The following MAF variants were observed in gnomAD, a reference collection of about 807,000 sequenced individuals.
MAF encodes MAF bZIP transcription factor.
MAF carries 10 observed loss-of-function variants against 22.0 expected under a neutral mutation model. That is an observed-to-expected ratio of 0.45 (90% CI 0.28 to 0.77). The LOEUF is 0.77. Ranked by LOEUF, MAF falls within the 30% of genes least tolerant of loss-of-function variation. MAF has a pLI of 0.12. For synonymous variants in MAF, 337 were observed against 255.8 expected (o/e 1.32, Z -3.03); for missense variants, 544 against 548.4 (o/e 0.99, Z 0.08).
the MAF span, among the ~76,000 whole-genome samples, chr16:79,342,187 G>A: frequency 2.0e-5 from 3 of 152,144 alleles, no homozygotes; most frequent in South Asian, 6.2e-4. Flanking sequence ...CACACCCGGG[G>A]TCCCAATCAG....
chr16:79,431,696 A>C, the MAF span, among the ~76,000 whole-genome samples: 4 of 152,222 alleles, frequency 2.6e-5, no homozygotes, highest in Admixed American at 2.6e-4. Context: ...CGCCACTTTC[A>C]TAAACCTCCC....
At chr16:79,322,661 C>T in the MAF span, among the ~76,000 whole-genome samples, 1 of 151,862 alleles carries the variant, frequency 6.6e-6, no homozygotes, top group South Asian at 2.1e-4. Flanking sequence ...GTGCTAAGGT[C>T]GACACACGGG....
the MAF span, among the ~76,000 whole-genome samples, chr16:79,277,059 G>T: frequency 6.6e-6 from 1 of 151,914 alleles, no homozygotes; most frequent in African/African-American, 2.4e-5. Context: ...TGTTTTTTGA[G>T]TCCGGTCTCA....
the MAF span, among the ~76,000 whole-genome samples, chr16:79,458,932 T>A: frequency 6.6e-6 from 1 of 152,204 alleles, no homozygotes; most frequent in East Asian, 1.9e-4. Flanking sequence ...CAGGGAAAGA[T>A]GTACTTTTCA....
the MAF span, among the ~76,000 whole-genome samples, chr16:79,467,055 A>G: frequency 6.6e-6 from 1 of 152,186 alleles, no homozygotes; most frequent in Non-Finnish European, 1.5e-5. Flanking sequence ...GATCTTTTCA[A>G]TATTAGAATA....
At chr16:79,381,436 A>C in the MAF span, among the ~76,000 whole-genome samples, 48 of 152,196 alleles carry the variant, frequency 3.2e-4, no homozygotes, top group African/African-American at 1.1e-3. Flanking sequence ...GGAAAACAGA[A>C]GGAAGAAAAA....
the MAF span, among the ~76,000 whole-genome samples, chr16:79,517,720 ACCCGC>A: frequency 3.3e-5 from 5 of 151,926 alleles, 1 homozygote. Context: ...GATTACAGGC[ACCCGC>A]CATCATGCCC....
chr16:79,496,231 T>A, the MAF span, among the ~76,000 whole-genome samples: 2 of 152,054 alleles, frequency 1.3e-5, no homozygotes, highest in South Asian at 2.1e-4. Flanking sequence ...TTAAAAAAAA[T>A]AGAGCAAAGA....
chr16:79,409,330 C>T, the MAF span, among the ~76,000 whole-genome samples: 1 of 152,102 alleles, frequency 6.6e-6, no homozygotes, highest in Non-Finnish European at 1.5e-5. Flanking sequence ...TCTTGTTTTC[C>T]AAGAAATCTG....
the MAF span, among the ~76,000 whole-genome samples, chr16:79,240,142 G>A: frequency 6.6e-6 from 1 of 151,842 alleles, no homozygotes; most frequent in Non-Finnish European, 1.5e-5. Flanking sequence ...TCCCATGGCG[G>A]GGGGTGTAAG....
At chr16:79,534,560 G>A in the MAF span, among the ~76,000 whole-genome samples, 6,590 of 151,678 alleles carry the variant, frequency 0.043, 494 homozygotes, top group African/African-American at 0.15. Flanking sequence ...ACACAGGGTG[G>A]GGAACATCAC....
At chr16:79,419,291 G>A in the MAF span, among the ~76,000 whole-genome samples, 9 of 152,290 alleles carry the variant, frequency 5.9e-5, no homozygotes, top group African/African-American at 2.2e-4. Context: ...GACAGAACTC[G>A]ACACTTCCTT....
At chr16:79,589,588 C>T (rs1913061834), downstream of MAF, among the ~76,000 whole-genome samples, 1 of 152,134 alleles carries the variant, frequency 6.6e-6, no homozygotes, top group African/African-American at 2.4e-5. Flanking sequence ...CAGAGGGTTC[C>T]TGGGGCCGCG....
chr16:79,384,664 G>C, the MAF span, among the ~76,000 whole-genome samples: 1 of 152,024 alleles, frequency 6.6e-6, no homozygotes, highest in Non-Finnish European at 1.5e-5. Context: ...GGCTGAGGCA[G>C]GAGAATGGCG....
At chr16:79,468,286 G>A in the MAF span, among the ~76,000 whole-genome samples, 1 of 152,226 alleles carries the variant, frequency 6.6e-6, no homozygotes, top group Non-Finnish European at 1.5e-5. Flanking sequence ...CTTCCCCTGT[G>A]TGATTTACTG....
At chr16:79,406,642 G>T in the MAF span, among the ~76,000 whole-genome samples, 3 of 152,140 alleles carry the variant, frequency 2.0e-5, no homozygotes, top group African/African-American at 7.2e-5. Flanking sequence ...CACATTGGGG[G>T]ATAGGATTTC....
chr16:79,369,541 G>C, the MAF span, among the ~76,000 whole-genome samples: 1 of 152,218 alleles, frequency 6.6e-6, no homozygotes, highest in Non-Finnish European at 1.5e-5. Context: ...TAGCTCATCT[G>C]TTTGTTTGCA....
At chr16:79,565,737 T>C in the MAF span, among the ~76,000 whole-genome samples, 1 of 152,202 alleles carries the variant, frequency 6.6e-6, no homozygotes, top group Admixed American at 6.5e-5. Context: ...TTCTTTCCTT[T>C]ATAAATTACC....
the MAF span, among the ~76,000 whole-genome samples, chr16:79,380,169 A>T: frequency 1.3e-5 from 2 of 152,130 alleles, no homozygotes. Flanking sequence ...CAAAAATCCC[A>T]GTTTCCTATT....
Sources: allele counts gnomAD v4.1 joint callset (sites outside exome capture counted in the v4.1 genomes callset), GRCh38; gene constraint gnomAD v4.1.1; transcripts MANE v1.5; gene names NCBI Gene and HGNC (gene_info 2026-07-23, HGNC 2026-07-21).